The following PXDNL variants were observed in gnomAD, a reference collection of about 807,000 sequenced individuals.
PXDNL encodes peroxidasin like, also known as probable oxidoreductase PXDNL.
Under a neutral mutation model 150.8 loss-of-function variants are expected in PXDNL, and 145 were observed. That is an observed-to-expected ratio of 0.96 (90% CI 0.84 to 1.10). PXDNL has a LOEUF of 1.10. PXDNL is among the 50% of genes least tolerant of loss of function. The pLI, the probability that PXDNL is intolerant of heterozygous loss-of-function variation, is 0.00. For synonymous variants in PXDNL, 757 were observed against 725.7 expected (o/e 1.04, Z -0.69); for missense variants, 2,087 against 1,873.9 (o/e 1.11, Z -2.10).
intron 21 of PXDNL, among the ~76,000 whole-genome samples, chr8:51,322,219 T>C (rs1284811563): frequency 6.6e-6 from 1 of 152,176 alleles, no homozygotes; most frequent in Non-Finnish European, 1.5e-5. Context: ...TATTCTGCTA[T>C]GGTGCCTGAG....
At position 51,453,696 on chromosome 8, in the gene PXDNL, G is replaced by A; in HGVS notation, c.1072C>T (p.His358Tyr). 1.2e-6 allele frequency: 2 copies of A among 1,614,060 alleles called. No individual in the cohort carries two copies. The highest frequency in any genetic ancestry group is 1.7e-6 in the Non-Finnish European group (2 of 1,179,900). The change falls in exon 10 of 23, where the codon CAC (histidine) becomes TAC (tyrosine). Residue 358 changes from histidine (H) to tyrosine (Y), a missense_variant. Coordinates refer to ENST00000356297, the MANE Select transcript of PXDNL (RefSeq NM_144651.5). ...TLECMATGHP[H>Y]PLITWTRDNG... ...TCCCTGGTCCAAGTGATAAGAGGGT[G>A]TGGGTGGCCTGTGGCCATACATTCC...
At chr8:51,495,439 A>G (rs1371520450) in intron 5 of PXDNL, among the ~76,000 whole-genome samples, 1 of 152,206 alleles carries the variant, frequency 6.6e-6, no homozygotes, top group Admixed American at 6.5e-5. Context: ...TCAGAGCAGA[A>G]TTGAAGGAAA....
At chr8:51,459,698 T>G (rs753950987) in intron 8 of PXDNL, among the ~76,000 whole-genome samples, 11 of 152,198 alleles carry the variant, frequency 7.2e-5, no homozygotes, top group Non-Finnish European at 1.6e-4. Flanking sequence ...ATATATTCCA[T>G]TCACATTGTC....
At chr8:51,695,486 A>ACACG (rs1816099212) in intron 1 of PXDNL, among the ~76,000 whole-genome samples, 1 of 151,742 alleles carries the variant, frequency 6.6e-6, no homozygotes, top group South Asian at 2.1e-4. Context: ...ACACACGCAC[A>ACACG]CACGCACGCA....
rs1474566812 is a variant in PXDNL, at chr8:51,472,045, ATAAAAGT to A, written c.812+135_812+141del. The stretch of plus-strand genomic sequence containing the variant: ...TAACATAGCTTGAGTAAGTCAACAG[ATAAAAGT>A]TAAAAGGCATTTTATCTTTAAGAAA... On this transcript the variant is annotated intron_variant, in intron 8 of 22. Transcript: ENST00000356297. The A allele has an allele frequency of 8.0e-5, 46 of 573,600 alleles. No individual in the cohort carries two copies. The Middle Eastern group carries it at 8.8e-4, about 11-fold the overall frequency. 35.5% of individuals were successfully genotyped at this position (573,600 alleles called of 1,614,324 possible). A position where few individuals can be genotyped will look rare whatever the true frequency, so the allele number is the denominator to read the frequency against.
chr8:51,801,181 G>C (rs1445352419), intron 1 of PXDNL, among the ~76,000 whole-genome samples: 1 of 152,096 alleles, frequency 6.6e-6, no homozygotes. Flanking sequence ...CGCTCTGGGA[G>C]TGTCTGTCCT....
intron 19 of PXDNL, among the ~76,000 whole-genome samples, chr8:51,355,882 A>G (rs922826128): frequency 2.6e-5 from 4 of 152,234 alleles, no homozygotes; most frequent in African/African-American, 9.6e-5. Flanking sequence ...ATTTTTTAGG[A>G]CAAGATTCTA....
intron 1 of PXDNL, among the ~76,000 whole-genome samples, chr8:51,752,134 A>G (rs2037051384): frequency 6.6e-6 from 1 of 152,222 alleles, no homozygotes; most frequent in Non-Finnish European, 1.5e-5. Context: ...CTTTTAATCT[A>G]TAACTAAGCT....
At chr8:51,692,154 A>C (rs1412436091) in intron 1 of PXDNL, among the ~76,000 whole-genome samples, 1 of 152,176 alleles carries the variant, frequency 6.6e-6, no homozygotes, top group African/African-American at 2.4e-5. Context: ...GAGACTTTTT[A>C]TTATTCAATT....
intron 17 of PXDNL, among the ~76,000 whole-genome samples, chr8:51,398,856 C>T (rs1375938146): frequency 6.6e-6 from 1 of 152,076 alleles, no homozygotes; most frequent in African/African-American, 2.4e-5. Flanking sequence ...ATTAAAGCCA[C>T]TATTATACAT....
At chr8:51,498,967 G>C (rs1316986896) in intron 5 of PXDNL, among the ~76,000 whole-genome samples, 1 of 152,170 alleles carries the variant, frequency 6.6e-6, no homozygotes, top group East Asian at 1.9e-4. Context: ...GACTTGAGTA[G>C]TTCTCAGTGT....
At chr8:51,384,015 T>C (rs570555006) in intron 17 of PXDNL, among the ~76,000 whole-genome samples, 2 of 152,264 alleles carry the variant, frequency 1.3e-5, no homozygotes, top group East Asian at 3.9e-4. Context: ...ATGAAACAAA[T>C]AAAAATCCTT....
chr8:51,781,297 G>A (rs993360731), intron 1 of PXDNL, among the ~76,000 whole-genome samples: 1 of 152,100 alleles, frequency 6.6e-6, no homozygotes, highest in Non-Finnish European at 1.5e-5. Flanking sequence ...TGTGCCTTGT[G>A]TAGATGCTTG....
chr8:51,804,608 G>A (rs12545812), intron 1 of PXDNL, among the ~76,000 whole-genome samples: 8,009 of 152,140 alleles, frequency 0.053, 217 homozygotes, highest in African/African-American at 0.076. Context: ...TCTCCAACTA[G>A]CACAGGGACC....
intron 14 of PXDNL, among the ~76,000 whole-genome samples, chr8:51,417,372 T>A (rs1308293936): frequency 6.6e-6 from 1 of 152,192 alleles, no homozygotes; most frequent in Non-Finnish European, 1.5e-5. Context: ...TCACTACTAT[T>A]GATGGTAAAA....
intron 1 of PXDNL, among the ~76,000 whole-genome samples, chr8:51,713,975 A>G (rs1816553026): frequency 6.6e-6 from 1 of 152,174 alleles, no homozygotes; most frequent in Non-Finnish European, 1.5e-5. Context: ...AAAACCATGA[A>G]TTGTTTTTTG....
chr8:51,472,238 G>T lies in PXDNL; in HGVS notation c.761C>A (p.Thr254Asn). 1 of 1,613,804 alleles carries T rather than the reference G, an allele frequency of 6.2e-7. No individual in the cohort carries two copies. The highest frequency in any genetic ancestry group is 8.5e-7 in the Non-Finnish European group (1 of 1,179,768). Residue 254 changes from threonine (T) to asparagine (N), a missense_variant, in exon 8 of 23, where the codon ACC (threonine) becomes AAC (asparagine). Thr to Asn is a moderately conservative substitution (Grantham distance 65, BLOSUM62 0). Transcript: ENST00000356297. ...EVPSGNTVYF[T>N]CRAEGNPKPE... ...TTTGGGGTTTCCTTCCGCCCGGCAG[G>T]TGAAGTAGACGGTATTTCCTGATGG...
chr8:51,796,695 A>C (rs1263961002), intron 1 of PXDNL, among the ~76,000 whole-genome samples: 3 of 151,214 alleles, frequency 2.0e-5, no homozygotes, highest in African/African-American at 7.4e-5. Context: ...GCTTATCAAC[A>C]AAAAAAAGCC....
intron 1 of PXDNL, among the ~76,000 whole-genome samples, chr8:51,795,698 G>C (rs562199511): frequency 6.6e-6 from 1 of 152,056 alleles, no homozygotes; most frequent in Non-Finnish European, 1.5e-5. Flanking sequence ...TAGATGCGGG[G>C]GTCTGTCCTG....
Sources: gnomAD v4.1 joint callset for allele counts (sites outside exome capture counted in the v4.1 genomes callset) on GRCh38, gnomAD v4.1.1 for gene constraint, MANE v1.5 for transcripts, NCBI Gene and HGNC (gene_info 2026-07-23, HGNC 2026-07-21) for gene names.